The following RBMS3 variants were observed in gnomAD, a reference collection of about 807,000 sequenced individuals.
RBMS3 encodes RNA binding motif single stranded interacting protein 3.
In RBMS3, 27 loss-of-function variants were observed where a neutral mutation model predicts 66.8. The ratio of observed to expected loss-of-function variants is 0.40; its 90% CI spans 0.30 to 0.56. The LOEUF (loss-of-function observed/expected upper bound fraction) is 0.56. RBMS3 is among the 20% of genes least tolerant of loss of function. RBMS3 has a pLI of 0.40. For synonymous variants in RBMS3, 188 were observed against 183.0 expected (o/e 1.03, Z -0.22); for missense variants, 513 against 549.5 (o/e 0.93, Z 0.66).
At chr3:29,439,889 T>C (rs1385242780) in intron 2 of RBMS3, among the ~76,000 whole-genome samples, 1 of 152,162 alleles carries the variant, frequency 6.6e-6, no homozygotes, top group Non-Finnish European at 1.5e-5. Context: ...TACTCATGGA[T>C]GGATGATCAG....
intron 5 of RBMS3, among the ~76,000 whole-genome samples, chr3:29,752,902 A>C (rs957535377): frequency 4.6e-5 from 7 of 152,214 alleles, no homozygotes; most frequent in Non-Finnish European, 1.0e-4. Flanking sequence ...CAGCAAAAAT[A>C]TCTTAAACAA....
At chr3:29,841,751 C>G (rs189242598) in intron 6 of RBMS3, among the ~76,000 whole-genome samples, 14 of 152,122 alleles carry the variant, frequency 9.2e-5, no homozygotes, top group Admixed American at 6.5e-4. Context: ...AAAAGCTCAT[C>G]AGGAAATGAT....
chr3:29,656,101 T>C (rs1160128001), intron 4 of RBMS3, among the ~76,000 whole-genome samples: 2 of 152,084 alleles, frequency 1.3e-5, no homozygotes, highest in Non-Finnish European at 2.9e-5. Context: ...ATTTATAAGG[T>C]AAAAAAGTTA....
At chr3:29,825,276 A>G (rs952738736) in intron 6 of RBMS3, among the ~76,000 whole-genome samples, 1 of 152,092 alleles carries the variant, frequency 6.6e-6, no homozygotes, top group African/African-American at 2.4e-5. Context: ...ACCTCAGGTT[A>G]TCCACCTGCC....
chr3:29,499,086 G>T (rs1020322292), intron 3 of RBMS3, among the ~76,000 whole-genome samples: 1 of 151,978 alleles, frequency 6.6e-6, no homozygotes, highest in Admixed American at 6.6e-5. Flanking sequence ...GAGTTGTATA[G>T]GTTCTGGGAA....
intron 4 of RBMS3, among the ~76,000 whole-genome samples, chr3:29,646,271 T>C (rs2049916500): frequency 6.6e-6 from 1 of 152,222 alleles, no homozygotes; most frequent in Non-Finnish European, 1.5e-5. Flanking sequence ...GGACACTGCC[T>C]TAAATGTCTG....
Position 29,335,542 on chromosome 3 carries a change from G to A in RBMS3, c.75+53786G>A, listed in dbSNP as rs142656173. ...TACATACACAGCAAATGTGCTTAAA[G>A]CAGCTCTTTGCCAAGCAAGTTCCTG... On this transcript the variant is annotated intron_variant, in intron 1 of 14. Coordinates refer to ENST00000383767, the MANE Select transcript of RBMS3 (RefSeq NM_001003793.3). 4.6e-3 allele frequency among the ~76,000 whole-genome samples: 696 copies of A among 152,312 alleles called. 5 individuals carry two copies. Among genetic ancestry groups the A allele is most frequent in the African/African-American group, 0.016 (655 of 41,576 alleles).
At position 30,009,964 on chromosome 3, in the gene RBMS3, T is replaced by C. The variant is rs1329909869; in HGVS notation, c.*6102T>C. ...AAAAGATATTTGAAAAAGTTTTCTC[T>C]ATTCTGGACACAAATGCTTCCATTT... On this transcript the variant is annotated 3_prime_UTR_variant, in exon 15 of 15. Coordinates refer to ENST00000383767, the MANE Select transcript of RBMS3 (RefSeq NM_001003793.3). The C allele has an allele frequency of 6.6e-6, 1 of 152,098 alleles. No homozygotes were observed. Among genetic ancestry groups the C allele is most frequent in the African/African-American group, 2.4e-5 (1 of 41,420 alleles). The allele number at this position is 152,098 out of a possible 1,614,324, so 9.4% of individuals were successfully genotyped here.
intron 10 of RBMS3, among the ~76,000 whole-genome samples, chr3:29,907,831 C>G (rs2060417564): frequency 6.6e-6 from 1 of 151,722 alleles, no homozygotes; most frequent in Non-Finnish European, 1.5e-5. Flanking sequence ...ATCTTCATAC[C>G]CAAGACTATC....
intron 6 of RBMS3, among the ~76,000 whole-genome samples, chr3:29,782,059 G>C (rs192062807): frequency 6.6e-6 from 1 of 151,976 alleles, no homozygotes; most frequent in Non-Finnish European, 1.5e-5. Context: ...ACCCACCCTC[G>C]GAGTCGAAGA....
chr3:29,923,675 A>G (rs529016071), intron 10 of RBMS3, among the ~76,000 whole-genome samples: 1 of 152,306 alleles, frequency 6.6e-6, no homozygotes, highest in East Asian at 1.9e-4. Flanking sequence ...TTAATACATC[A>G]GTATAATTTT....
chr3:29,723,415 C>A (rs2053728563), intron 4 of RBMS3, among the ~76,000 whole-genome samples: 1 of 152,124 alleles, frequency 6.6e-6, no homozygotes, highest in South Asian at 2.1e-4. Flanking sequence ...ACAGGTTTAT[C>A]TTTTTCCTCT....
In RBMS3 at chr3:29,899,771, C is replaced by T. The variant is rs1029621379; in HGVS notation, c.939+16C>T. 1 of 1,606,226 alleles carries T rather than the reference C, an allele frequency of 6.2e-7. No individual in the cohort carries two copies. The highest frequency in any genetic ancestry group is 1.7e-5 in the Admixed American group (1 of 59,584). Reference sequence around the variant, plus strand: ...GCAACCAACAGTAAGTGTTCTCAGTCACCTGAGGCTAATATTTCTATTATC... The same window carrying T: ...GCAACCAACAGTAAGTGTTCTCAGTTACCTGAGGCTAATATTTCTATTATC... On this transcript the variant is annotated intron_variant, in intron 10 of 14. Transcript: ENST00000383767.
chr3:29,743,162 C>G (rs945130012), intron 5 of RBMS3, among the ~76,000 whole-genome samples: 1 of 152,166 alleles, frequency 6.6e-6, no homozygotes, highest in Admixed American at 6.5e-5. Context: ...TCCTACTTCC[C>G]TATAACATTG....
At chr3:29,474,791 G>A (rs2042887841) in intron 2 of RBMS3, among the ~76,000 whole-genome samples, 1 of 152,206 alleles carries the variant, frequency 6.6e-6, no homozygotes, top group African/African-American at 2.4e-5. Context: ...ATTAGACAAA[G>A]CAAGTTGTGA....
At chr3:29,454,553 G>T (rs1372421336) in intron 2 of RBMS3, among the ~76,000 whole-genome samples, 3 of 152,194 alleles carry the variant, frequency 2.0e-5, no homozygotes, top group Non-Finnish European at 4.4e-5. Context: ...CCCAGGACAA[G>T]CACCAACAGG....
intron 6 of RBMS3, among the ~76,000 whole-genome samples, chr3:29,848,712 A>G (rs946140539): frequency 3.9e-5 from 6 of 152,216 alleles, no homozygotes; most frequent in Non-Finnish European, 7.3e-5. Context: ...ATTTCCATAT[A>G]GAGAAATTAT....
At chr3:29,924,377 T>TCTTTTTC (rs1325185843) in intron 10 of RBMS3, among the ~76,000 whole-genome samples, 1 of 152,112 alleles carries the variant, frequency 6.6e-6, no homozygotes, top group Admixed American at 6.6e-5. Context: ...GGTTTTCTTT[T>TCTTTTTC]CTTTTTTCTT....
chr3:29,331,022 T>G (rs781088985), intron 1 of RBMS3, among the ~76,000 whole-genome samples: 1 of 152,152 alleles, frequency 6.6e-6, no homozygotes, highest in Non-Finnish European at 1.5e-5. Context: ...GTTGGCATAT[T>G]TGTGCTGGTG....
Sources: allele counts gnomAD v4.1 joint callset (sites outside exome capture counted in the v4.1 genomes callset), GRCh38; gene constraint gnomAD v4.1.1; transcripts MANE v1.5; gene names NCBI Gene and HGNC (gene_info 2026-07-23, HGNC 2026-07-21).